Variants in CCDC102B observed in about 807,000 individuals in gnomAD.
CCDC102B encodes coiled-coil domain containing 102B, also known as coiled-coil domain-containing protein 102B.
In CCDC102B, 75 loss-of-function variants were observed where a neutral mutation model predicts 57.4. The ratio of observed to expected loss-of-function variants is 1.31; its 90% CI spans 1.08 to 1.58. The LOEUF is 1.58. Ranked by LOEUF, CCDC102B falls within the 40% of genes most tolerant of loss-of-function variation. The probability of loss-of-function intolerance (pLI) is 0.00; values close to 1 mark genes in which losing one functional copy is unlikely to be tolerated. For missense variants in CCDC102B, 636 were observed against 582.6 expected (o/e 1.09, Z -0.94); for synonymous variants, 206 against 201.9 (o/e 1.02, Z -0.17).
At chr18:68,787,982 C>T (rs1363082798) in intron 2 of CCDC102B, among the ~76,000 whole-genome samples, 1 of 150,804 alleles carries the variant, frequency 6.6e-6, no homozygotes, top group Non-Finnish European at 1.5e-5. Flanking sequence ...ACAAATTTCC[C>T]TCTACACACT....
Position 68,801,011 on chromosome 18 carries a change from T to A in CCDC102B, c.-16+2830T>A, listed in dbSNP as rs1381434790. The stretch of plus-strand genomic sequence containing the variant: ...TATAGCTTATTTCATAACAACGAGG[T>A]TTTTTTGTTCAATGTATACATGATG... On this transcript the variant is annotated intron_variant, in intron 1 of 7. Transcript: ENST00000360242. Among the ~76,000 whole-genome samples, 3 of 152,012 alleles carry A rather than the reference T, an allele frequency of 2.0e-5. 1 individual carries two copies. The highest frequency in any genetic ancestry group is 4.2e-4 in the South Asian group (2 of 4,814).
intron 4 of CCDC102B, among the ~76,000 whole-genome samples, chr18:68,849,636 A>G (rs2038033748): frequency 6.6e-6 from 1 of 152,098 alleles, no homozygotes; most frequent in South Asian, 2.1e-4. Context: ...ACTTCAGTGA[A>G]TTATCTGTTA....
intron 6 of CCDC102B, among the ~76,000 whole-genome samples, chr18:69,005,903 T>A (rs2051328453): frequency 6.6e-6 from 1 of 151,834 alleles, no homozygotes; most frequent in South Asian, 2.1e-4. Flanking sequence ...GTGAATTGTA[T>A]GTACTGTCAG....
chr18:68,806,825 A>C (rs1025160862), intron 1 of CCDC102B, among the ~76,000 whole-genome samples: 1 of 152,206 alleles, frequency 6.6e-6, no homozygotes, highest in Non-Finnish European at 1.5e-5. Context: ...GTTATTAATG[A>C]GATAGTTTAC....
chr18:68,884,150 A>C (rs2039791630), intron 5 of CCDC102B, among the ~76,000 whole-genome samples: 1 of 152,170 alleles, frequency 6.6e-6, no homozygotes. Context: ...GTGACCCAGC[A>C]ATTCCTCCTC....
chr18:69,031,490 T>C (rs1327799908), intron 7 of CCDC102B, among the ~76,000 whole-genome samples: 1 of 152,042 alleles, frequency 6.6e-6, no homozygotes, highest in Non-Finnish European at 1.5e-5. Flanking sequence ...TGAATTTATT[T>C]TGATATAGCA....
At chr18:68,847,302 G>T (rs2037915428) in intron 4 of CCDC102B, among the ~76,000 whole-genome samples, 1 of 151,692 alleles carries the variant, frequency 6.6e-6, no homozygotes, top group Non-Finnish European at 1.5e-5. Flanking sequence ...TGGAAAAATA[G>T]TTCATGACAC....
intron 6 of CCDC102B, among the ~76,000 whole-genome samples, chr18:69,007,494 A>T (rs924014678): frequency 1.3e-5 from 2 of 152,192 alleles, no homozygotes; most frequent in Non-Finnish European, 2.9e-5. Context: ...AGTTATATCC[A>T]CTTTCCTAAT....
chr18:68,930,627 A>C (rs2095046764), intron 6 of CCDC102B, among the ~76,000 whole-genome samples: 1 of 151,894 alleles, frequency 6.6e-6, no homozygotes, highest in Non-Finnish European at 1.5e-5. Context: ...GGGAATAACT[A>C]CTATACTCTT....
intron 4 of CCDC102B, among the ~76,000 whole-genome samples, chr18:68,870,204 TG>T (rs1217763282): frequency 6.6e-6 from 1 of 151,096 alleles, no homozygotes; most frequent in African/African-American, 2.4e-5. Context: ...AGGGGGTGGG[TG>T]GGGGAAAGGG....
chr18:68,926,849 C>G (rs912028738), intron 6 of CCDC102B, among the ~76,000 whole-genome samples: 1 of 151,844 alleles, frequency 6.6e-6, no homozygotes, highest in African/African-American at 2.4e-5. Flanking sequence ...TTTAATGAAG[C>G]ACCATATAGA....
At chr18:69,036,341 A>G (rs2052291619) in intron 7 of CCDC102B, among the ~76,000 whole-genome samples, 1 of 152,024 alleles carries the variant, frequency 6.6e-6, no homozygotes, top group Admixed American at 6.6e-5. Flanking sequence ...TGATTCTAAG[A>G]TATGGTTTAA....
At chr18:69,022,108 T>C (rs1457381706) in intron 7 of CCDC102B, among the ~76,000 whole-genome samples, 1 of 151,910 alleles carries the variant, frequency 6.6e-6, no homozygotes. Context: ...ACGGGTTATA[T>C]GGAAAGACTT....
chr18:68,893,594 G>A (rs933186846), intron 5 of CCDC102B, among the ~76,000 whole-genome samples: 4 of 152,096 alleles, frequency 2.6e-5, no homozygotes, highest in African/African-American at 9.7e-5. Flanking sequence ...TATTTATGGA[G>A]CACACATACA....
chr18:69,011,169 GA>G (rs2051505918), intron 7 of CCDC102B, 65 bp downstream of exon 7: 1 of 1,362,110 alleles, frequency 7.3e-7, no homozygotes, highest in African/African-American at 1.5e-5. Flanking sequence ...CATATCTAAA[GA>G]TTGTCTCCCT....
intron 6 of CCDC102B, among the ~76,000 whole-genome samples, chr18:68,981,108 A>G (rs2050568209): frequency 1.3e-5 from 2 of 152,028 alleles, no homozygotes; most frequent in Admixed American, 1.3e-4. Context: ...TTGTTTTTCA[A>G]ATTTTCTACA....
intron 1 of CCDC102B, among the ~76,000 whole-genome samples, chr18:68,834,124 T>G (rs897854635): frequency 6.6e-6 from 1 of 152,140 alleles, no homozygotes; most frequent in Non-Finnish European, 1.5e-5. Context: ...GTTCAAGGAC[T>G]GACTGATTAA....
chr18:68,907,604 T>C (rs1008882879), intron 6 of CCDC102B, among the ~76,000 whole-genome samples: 1 of 152,226 alleles, frequency 6.6e-6, no homozygotes, highest in Non-Finnish European at 1.5e-5. Context: ...ATTGCTCATA[T>C]GTAGAAGCAC....
intron 2 of CCDC102B, among the ~76,000 whole-genome samples, chr18:68,720,173 T>A (rs1220674831): frequency 1.3e-5 from 2 of 152,186 alleles, no homozygotes; most frequent in Non-Finnish European, 2.9e-5. Context: ...TTCTATGACA[T>A]GTTGTGCTGT....
Sources: gnomAD v4.1 joint callset for allele counts (sites outside exome capture counted in the v4.1 genomes callset) on GRCh38, gnomAD v4.1.1 for gene constraint, MANE v1.5 for transcripts, NCBI Gene and HGNC (gene_info 2026-07-23, HGNC 2026-07-21) for gene names.